The following RAB2A variants were observed in gnomAD, a reference collection of about 807,000 sequenced individuals.
RAB2A encodes the protein RAB2A, member RAS oncogene family.
In RAB2A, 7 loss-of-function variants were observed where a neutral mutation model predicts 32.5. That is an observed-to-expected ratio of 0.22 (90% CI 0.12 to 0.40). The LOEUF (loss-of-function observed/expected upper bound fraction) is 0.40. RAB2A is among the 10% of genes least tolerant of loss of function. The pLI is 1.00. For missense variants in RAB2A, 108 were observed against 260.7 expected (o/e 0.41, Z 4.03); for synonymous variants, 79 against 85.2 (o/e 0.93, Z 0.40).
chr8:60,534,855 G>T (rs912250539), intron 1 of RAB2A, among the ~76,000 whole-genome samples: 1 of 152,004 alleles, frequency 6.6e-6, no homozygotes, highest in African/African-American at 2.4e-5. Flanking sequence ...TCTAAGTGGG[G>T]CAGATTTCTA....
chr8:60,581,180 G>C (rs1487017353), intron 3 of RAB2A, among the ~76,000 whole-genome samples: 1 of 152,156 alleles, frequency 6.6e-6, no homozygotes, highest in African/African-American at 2.4e-5. Flanking sequence ...CAAACTTTTT[G>C]AGCTTTCACA....
intron 2 of RAB2A, among the ~76,000 whole-genome samples, chr8:60,566,366 A>G (rs1266028701): frequency 1.3e-5 from 2 of 152,104 alleles, no homozygotes; most frequent in African/African-American, 4.8e-5. Context: ...CATTTTTCGT[A>G]TGTTTAAGAA....
chr8:60,594,833 A>G (rs979066648), intron 6 of RAB2A, among the ~76,000 whole-genome samples: 1 of 152,218 alleles, frequency 6.6e-6, no homozygotes, highest in Non-Finnish European at 1.5e-5. Context: ...ATGGCTGCAT[A>G]GTATTCCATG....
chr8:60,579,984 G>A (rs1803713697), intron 3 of RAB2A, among the ~76,000 whole-genome samples: 1 of 142,886 alleles, frequency 7.0e-6, no homozygotes, highest in Non-Finnish European at 1.5e-5. Context: ...GTTTGGATAG[G>A]TATATATTAA....
At chr8:60,581,259 A>G (rs577266300) in intron 3 of RAB2A, among the ~76,000 whole-genome samples, 67 of 152,340 alleles carry the variant, frequency 4.4e-4, no homozygotes, top group Admixed American at 2.9e-3. Context: ...TGCTCAACTG[A>G]TAAGTATAAT....
In RAB2A at chr8:60,536,702, C is replaced by T. The variant is rs558488135; in HGVS notation, c.46+19449C>T. Reference sequence around the variant, plus strand: ...TTTCTGCAGTGTCAGGATCATTTCACTTATAGAATGTTCCTTTCATCCCTA... The same window carrying T: ...TTTCTGCAGTGTCAGGATCATTTCATTTATAGAATGTTCCTTTCATCCCTA... On this transcript the variant is annotated intron_variant, in intron 1 of 7. Coordinates refer to ENST00000262646, the MANE Select transcript of RAB2A (RefSeq NM_002865.3). Among the ~76,000 whole-genome samples, 13 of 152,286 alleles carry T rather than the reference C, an allele frequency of 8.5e-5. No individual in the cohort carries two copies. In the South Asian group the frequency reaches 2.5e-3, roughly 29 times the overall value.
chr8:60,590,874 C>CA (rs1482446090), intron 5 of RAB2A, among the ~76,000 whole-genome samples: 2 of 151,250 alleles, frequency 1.3e-5, no homozygotes, highest in African/African-American at 4.8e-5. Flanking sequence ...AGGATAAATG[C>CA]AAAAACATGC....
intron 2 of RAB2A, chr8:60,569,958 C>A: frequency 2.2e-6 from 1 of 456,184 alleles, no homozygotes; most frequent in Non-Finnish European, 4.4e-6. Flanking sequence ...TGGGCAGGAA[C>A]AAAGCATCTT....
chr8:60,574,730 GT>G (rs763572917), intron 3 of RAB2A, among the ~76,000 whole-genome samples: 18 of 151,930 alleles, frequency 1.2e-4, no homozygotes, highest in Non-Finnish European at 2.4e-4. Flanking sequence ...TCTTGTTTTT[GT>G]TTTTGCTTGA....
chr8:60,597,345 A>G (rs1010363343), intron 6 of RAB2A, among the ~76,000 whole-genome samples: 4 of 152,230 alleles, frequency 2.6e-5, no homozygotes, highest in African/African-American at 9.6e-5. Flanking sequence ...ACACAGAAAT[A>G]GAAAACCAAA....
chr8:60,606,643 C>T (rs1731462076), intron 6 of RAB2A, among the ~76,000 whole-genome samples: 2 of 152,358 alleles, frequency 1.3e-5, no homozygotes, highest in African/African-American at 2.4e-5. Context: ...TCATATACTA[C>T]ATTAATAACA....
chr8:60,611,900 A>C (rs1804354902), intron 6 of RAB2A, among the ~76,000 whole-genome samples: 1 of 152,214 alleles, frequency 6.6e-6, no homozygotes, highest in Non-Finnish European at 1.5e-5. Flanking sequence ...TTTACATAGA[A>C]AACCAATTAT....
At chr8:60,588,299 G>A (rs967655583) in intron 5 of RAB2A, among the ~76,000 whole-genome samples, 3 of 152,036 alleles carry the variant, frequency 2.0e-5, no homozygotes, top group East Asian at 1.9e-4. Flanking sequence ...AAGAAATAAA[G>A]CACACATCTA....
At chr8:60,595,706 C>T (rs556275179) in intron 6 of RAB2A, among the ~76,000 whole-genome samples, 16 of 152,104 alleles carry the variant, frequency 1.1e-4, no homozygotes, top group Middle Eastern at 6.8e-3. Flanking sequence ...CATGCGTGTA[C>T]CAGATATGTG....
intron 5 of RAB2A, among the ~76,000 whole-genome samples, chr8:60,586,641 GTACAATGGCTCACATCTGTAA>G (rs1803854388): frequency 6.6e-6 from 1 of 152,006 alleles, no homozygotes; most frequent in Non-Finnish European, 1.5e-5. Flanking sequence ...TGAAGGCCAG[GTACAATGGCTCACATCTGTAA>G]TCCCAGCACT....
rs1227457168 is a variant in RAB2A, at chr8:60,603,993, TC to T, written c.474+12028del. Among the ~76,000 whole-genome samples, 3 of 152,180 alleles carry T rather than the reference TC, an allele frequency of 2.0e-5. No homozygotes were observed. The East Asian group carries it at 5.8e-4, about 29-fold the overall frequency. Reference sequence around the variant, plus strand: ...GCCCAAATCTCATATTGAATTCTAATCCCCATTGTTGGAGGTGGGGCCTGGT... The same window carrying T: ...GCCCAAATCTCATATTGAATTCTAATCCCATTGTTGGAGGTGGGGCCTGGT... On this transcript the variant is annotated intron_variant, in intron 6 of 7. Transcript: ENST00000262646.
At chr8:60,598,953 A>G (rs1475998053) in intron 6 of RAB2A, among the ~76,000 whole-genome samples, 1 of 148,636 alleles carries the variant, frequency 6.7e-6, no homozygotes, top group Non-Finnish European at 1.5e-5. Flanking sequence ...AAAAAAAAAA[A>G]AAAAAAAAAA....
intron 1 of RAB2A, among the ~76,000 whole-genome samples, chr8:60,534,915 C>CTT (rs1005108146): frequency 6.7e-6 from 1 of 149,846 alleles, no homozygotes; most frequent in African/African-American, 2.4e-5. Context: ...ACCATTTAAC[C>CTT]TTTTTTTTTT....
intron 6 of RAB2A, among the ~76,000 whole-genome samples, chr8:60,607,428 CAAAAAAA>C (rs773988383): frequency 3.5e-5 from 2 of 57,492 alleles, no homozygotes; most frequent in Non-Finnish European, 6.8e-5. Flanking sequence ...GACTCCATCT[CAAAAAAA>C]AAAAAAAAAA....
Sources: gnomAD v4.1 joint callset for allele counts (sites outside exome capture counted in the v4.1 genomes callset) on GRCh38, gnomAD v4.1.1 for gene constraint, MANE v1.5 for transcripts, NCBI Gene and HGNC (gene_info 2026-07-23, HGNC 2026-07-21) for gene names.